Variants in CHL1 observed in about 807,000 individuals in gnomAD.
CHL1 encodes the protein cell adhesion molecule L1 like, also known as neural cell adhesion molecule L1-like protein.
In CHL1, 96 loss-of-function variants were observed where a neutral mutation model predicts 141.9. The ratio of observed to expected loss-of-function variants is 0.68; its 90% CI spans 0.57 to 0.80. The LOEUF is 0.80. CHL1 is among the 30% of genes least tolerant of loss of function. The pLI, the probability that CHL1 is intolerant of heterozygous loss-of-function variation, is 0.00. For synonymous variants in CHL1, 613 were observed against 502.2 expected, an observed-to-expected ratio of 1.22 and a Z score of -2.95; for missense variants, 1,820 against 1,457.2, an observed-to-expected ratio of 1.25 and a Z score of -4.05.
At chr3:392,194 A>C (rs530869597) in intron 23 of CHL1, among the ~76,000 whole-genome samples, 4 of 152,196 alleles carry the variant, frequency 2.6e-5, no homozygotes, top group Non-Finnish European at 4.4e-5. Flanking sequence ...CACGTGTTTA[A>C]TGTTTATATA....
chr3:274,908 A>T lies in CHL1; in HGVS notation c.-95+30216A>T, dbSNP rs993183876. ...CTACTGTGATCTTGGTGGCATCTTC[A>T]TTTATTATTCTGGTGGACGCATGTA... On this transcript the variant is annotated intron_variant, in intron 2 of 27. Coordinates refer to ENST00000256509, the MANE Select transcript of CHL1 (RefSeq NM_006614.4). 2.0e-5 allele frequency among the ~76,000 whole-genome samples: 3 copies of T among 152,144 alleles called. No individual in the cohort carries two copies. The South Asian group carries it at 6.2e-4, about 32-fold the overall frequency.
In CHL1 at chr3:197,641, C is replaced by T. The variant is rs545979333; in HGVS notation, c.-175+578C>T. 12 of 358,780 alleles carry T rather than the reference C, an allele frequency of 3.3e-5. No homozygotes were observed. The East Asian group carries it at 9.3e-4, about 28-fold the overall frequency. The allele number at this position is 358,780 out of a possible 1,614,324, so 22.2% of individuals were successfully genotyped here. A position where few individuals can be genotyped will look rare whatever the true frequency, so the allele number is the denominator to read the frequency against. On this transcript the variant is annotated intron_variant, in intron 1 of 27. Transcript: ENST00000256509. ...TCTAGATCCCAGCCCGGGGGGGGTT[C>T]CGAAAATGCCGCCAGCCTGGAGCGG...
chr3:389,565 A>G lies in CHL1; in HGVS notation c.2470+91A>G, dbSNP rs1362288561. 1.8e-5 allele frequency: 17 copies of G among 949,768 alleles called. No homozygotes were observed. In the Admixed American group the frequency reaches 2.9e-4, roughly 16 times the overall value. 58.8% of individuals were successfully genotyped at this position (949,768 alleles called of 1,614,324 possible). ...AATCAACAAATATTTGTGAACAACT[A>G]CTGCATGCAAAGAGGATGTACTAGC... On this transcript the variant is annotated intron_variant, in intron 20 of 27. Transcript: ENST00000256509.
chr3:363,107 T>G, intron 13 of CHL1, 110 bp from the exon 14 acceptor site: 3 of 857,794 alleles, frequency 3.5e-6, no homozygotes, highest in Non-Finnish European at 5.3e-6. Flanking sequence ...TTCATGAGGT[T>G]TTCTGAGCTA....
chr3:212,193 C>T (rs576148413), intron 1 of CHL1, among the ~76,000 whole-genome samples: 26 of 152,022 alleles, frequency 1.7e-4, no homozygotes, highest in South Asian at 6.2e-4. Flanking sequence ...GTTTCTACAA[C>T]GAGTTTGCAT....
At chr3:292,676 C>A (rs1559210145) in intron 2 of CHL1, among the ~76,000 whole-genome samples, 1 of 152,200 alleles carries the variant, frequency 6.6e-6, no homozygotes, top group Non-Finnish European at 1.5e-5. Context: ...CTGCAGTCTA[C>A]AACCATGGCA....
intron 1 of CHL1, chr3:197,952 A>G (rs1575583653): frequency 2.8e-6 from 1 of 359,182 alleles, no homozygotes. Context: ...CAGGGATTGG[A>G]GCCGGGAGGC....
At chr3:313,209 C>G (rs1699894500) in intron 2 of CHL1, among the ~76,000 whole-genome samples, 1 of 152,026 alleles carries the variant, frequency 6.6e-6, no homozygotes, top group Admixed American at 6.6e-5. Flanking sequence ...TAAGAGTCAC[C>G]TTTTGTTCAC....
In CHL1 at chr3:408,216, A is replaced by G. The variant is rs187973264; in HGVS notation, c.*2505A>G. 6.6e-6 allele frequency: 1 copy of G among 152,248 alleles called. No individual in the cohort carries two copies. Among genetic ancestry groups the G allele is most frequent in the African/African-American group, 2.4e-5 (1 of 41,548 alleles). 9.4% of individuals were successfully genotyped at this position (152,248 alleles called of 1,614,324 possible). ...TGTTTGCAAATTGCCCACTCGTGAT[A>G]AGTCAACAGCCAATATTTAAAACTT... On this transcript the variant is annotated 3_prime_UTR_variant, in exon 28 of 28. Coordinates refer to ENST00000256509, the MANE Select transcript of CHL1 (RefSeq NM_006614.4).
rs140096139 is a variant in CHL1, at chr3:270,247, G to T, written c.-95+25555G>T. Among the ~76,000 whole-genome samples the T allele has an allele frequency of 1.9e-3, 296 of 152,212 alleles. 1 individual carries two copies. Among genetic ancestry groups the T allele is most frequent in the African/African-American group, 6.7e-3 (280 of 41,534 alleles). On this transcript the variant is annotated intron_variant, in intron 2 of 27. Transcript: ENST00000256509. Reference sequence around the variant, plus strand: ...AGGAGAATTTGGCAAAAAATAGTGTGGAAAACTGTGTTTGAAGAAAAAAAA... The same window carrying T: ...AGGAGAATTTGGCAAAAAATAGTGTTGAAAACTGTGTTTGAAGAAAAAAAA...
chr3:363,417 G>A (rs370444508), intron 14 of CHL1, 34 bp downstream of exon 14: 1 of 1,568,304 alleles, frequency 6.4e-7, no homozygotes, highest in African/African-American at 1.4e-5. Flanking sequence ...TGCATGAATT[G>A]TCACATGGGT....
intron 16 of CHL1, 58 bp downstream of exon 16, chr3:378,000 T>A: frequency 6.8e-7 from 1 of 1,471,906 alleles, no homozygotes. Flanking sequence ...TTAAATCCCA[T>A]CGTTCCTGGC....
At position 408,625 on chromosome 3, in the gene CHL1, T is replaced by A. The variant is rs188384653; in HGVS notation, c.*2914T>A. On this transcript the variant is annotated 3_prime_UTR_variant, in exon 28 of 28. Coordinates refer to ENST00000256509, the MANE Select transcript of CHL1 (RefSeq NM_006614.4). ...AGTCACCCCCACATACCAACTCAAC[T>A]TTTTTCCTGTGAACACATAAATATA... is the stretch of plus-strand genomic sequence containing the variant. 1.2e-3 allele frequency: 176 copies of A among 152,190 alleles called. No individual in the cohort carries two copies. Among genetic ancestry groups the A allele is most frequent in the African/African-American group, 3.9e-3 (161 of 41,536 alleles). 9.4% of individuals were successfully genotyped at this position (152,190 alleles called of 1,614,324 possible).
At chr3:326,968 G>A (rs984735613) in intron 4 of CHL1, among the ~76,000 whole-genome samples, 63 of 151,694 alleles carry the variant, frequency 4.2e-4, no homozygotes, top group African/African-American at 1.3e-3. Flanking sequence ...ATCAAAATAT[G>A]TAAGTATGGA....
chr3:277,775 A>G (rs1425258121), intron 2 of CHL1, among the ~76,000 whole-genome samples: 1 of 152,162 alleles, frequency 6.6e-6, no homozygotes, highest in Non-Finnish European at 1.5e-5. Flanking sequence ...GACATTTGGA[A>G]TTGTTATTGG....
intron 1 of CHL1, among the ~76,000 whole-genome samples, chr3:232,287 C>T (rs981242538): frequency 6.6e-6 from 1 of 152,080 alleles, no homozygotes; most frequent in Non-Finnish European, 1.5e-5. Context: ...TGCACTGTCC[C>T]TGGAGCTCTT....
chr3:233,346 T>G (rs546210002), intron 1 of CHL1, among the ~76,000 whole-genome samples: 1 of 152,252 alleles, frequency 6.6e-6, no homozygotes, highest in East Asian at 1.9e-4. Context: ...GAGTTGCCTC[T>G]CTTGCTTTTC....
chr3:320,598 G>A (rs907088944), intron 3 of CHL1, among the ~76,000 whole-genome samples: 1 of 151,976 alleles, frequency 6.6e-6, no homozygotes, highest in Non-Finnish European at 1.5e-5. Flanking sequence ...GAGGCAGGAG[G>A]ATTGCCTGAG....
chr3:368,462 T>C (rs778013071), intron 15 of CHL1, among the ~76,000 whole-genome samples: 1 of 152,210 alleles, frequency 6.6e-6, no homozygotes, highest in Non-Finnish European at 1.5e-5. Context: ...CTTATAAATA[T>C]GTTTAAGTTC....
Sources: gnomAD v4.1 joint callset for allele counts (sites outside exome capture counted in the v4.1 genomes callset) on GRCh38, gnomAD v4.1.1 for gene constraint, MANE v1.5 for transcripts, NCBI Gene and HGNC (gene_info 2026-07-23, HGNC 2026-07-21) for gene names.